Variants in NFATC3 observed in about 807,000 individuals in gnomAD.
The protein encoded by NFATC3 is nuclear factor of activated T cells 3.
In NFATC3, 46 loss-of-function variants were observed where a neutral mutation model predicts 98.6. The ratio of observed to expected loss-of-function variants is 0.47; its 90% CI spans 0.37 to 0.60. The LOEUF (loss-of-function observed/expected upper bound fraction) is 0.60. Ranked by LOEUF, NFATC3 falls within the 20% of genes least tolerant of loss-of-function variation. The pLI is 0.00. For missense variants in NFATC3, 1,256 were observed against 1,295.5 expected (o/e 0.97, Z 0.47); for synonymous variants, 512 against 472.2 (o/e 1.08, Z -1.09).
intron 2 of NFATC3, among the ~76,000 whole-genome samples, 194 bp downstream of exon 2, chr16:68,123,315 A>G (rs949440405): frequency 2.0e-5 from 3 of 152,114 alleles, no homozygotes; most frequent in African/African-American, 7.2e-5. Flanking sequence ...AGATAGGTTA[A>G]ATATAATTTT....
At chr16:68,180,389 G>C (rs2039904603) in intron 6 of NFATC3, among the ~76,000 whole-genome samples, 1 of 152,138 alleles carries the variant, frequency 6.6e-6, no homozygotes, top group African/African-American at 2.4e-5. Flanking sequence ...ATCCAAGATG[G>C]AATGAGTTAC....
chr16:68,138,051 T>C (rs1461240430), intron 3 of NFATC3, among the ~76,000 whole-genome samples: 1 of 152,158 alleles, frequency 6.6e-6, no homozygotes, highest in Admixed American at 6.6e-5. Context: ...TTTTTTTTCT[T>C]TGAGACAGAG....
chr16:68,184,256 G>T (rs1598530168), intron 8 of NFATC3, among the ~76,000 whole-genome samples: 1 of 152,132 alleles, frequency 6.6e-6, no homozygotes, highest in Non-Finnish European at 1.5e-5. Context: ...CAGGTTTTGG[G>T]GACAGATGAG....
chr16:68,098,300 A>ATTATTTTTT (rs1461722980), intron 1 of NFATC3, among the ~76,000 whole-genome samples: 1 of 94,340 alleles, frequency 1.1e-5, no homozygotes, highest in African/African-American at 4.5e-5. Flanking sequence ...TATTATTATT[A>ATTATTTTTT]TTTTTTTTTT....
rs764733303 is a variant in NFATC3 at position 68,226,401 on chromosome 16, C to A, written c.3158C>A (p.Ala1053Glu). Residue 1053 changes from alanine to glutamate, a missense_variant, in exon 10 of 10, where the codon GCA (alanine) becomes GAA (glutamate). By Grantham distance (107) the Ala-to-Glu change is moderately radical. Transcript: ENST00000346183. ...TCCCAGATTTCTGTTTCCCAAGGAGCAGGGGTGAGCAGGCAGGCTCCCCTC... is the reference window on the plus strand; with the variant it reads ...TCCCAGATTTCTGTTTCCCAAGGAGAAGGGGTGAGCAGGCAGGCTCCCCTC... Reference protein sequence around the residue: ...DMSQISVSQGAGVSRQAPLPS... With the variant: ...DMSQISVSQGEGVSRQAPLPS... The A allele has an allele frequency of 2.5e-6, 4 of 1,571,490 alleles. No homozygotes were observed. In the South Asian group the frequency reaches 4.7e-5, roughly 19 times the overall value.
At chr16:68,224,745 C>G (rs937948571) in intron 9 of NFATC3, 1 of 151,736 alleles carries the variant, frequency 6.6e-6, no homozygotes, top group Non-Finnish European at 1.5e-5. Context: ...ATTTTTGTTC[C>G]GAACTGTGTA....
intron 9 of NFATC3, among the ~76,000 whole-genome samples, chr16:68,204,641 TA>T (rs2041065715): frequency 6.6e-6 from 1 of 152,252 alleles, no homozygotes; most frequent in African/African-American, 2.4e-5. Flanking sequence ...CTAAAATAGC[TA>T]TAATTGATTA....
intron 3 of NFATC3, among the ~76,000 whole-genome samples, chr16:68,155,176 G>A (rs2038540601): frequency 6.6e-6 from 1 of 152,204 alleles, no homozygotes; most frequent in South Asian, 2.1e-4. Flanking sequence ...CCACTGTAAA[G>A]CCAAGGCTGG....
chr16:68,203,539 G>A (rs1274848693), intron 9 of NFATC3, among the ~76,000 whole-genome samples: 1 of 152,042 alleles, frequency 6.6e-6, no homozygotes, highest in African/African-American at 2.4e-5. Context: ...AGGCTGAGGT[G>A]GGAGGATCGC....
At chr16:68,102,458 A>G (rs1202648452) in intron 1 of NFATC3, among the ~76,000 whole-genome samples, 2 of 150,354 alleles carry the variant, frequency 1.3e-5, no homozygotes, top group Non-Finnish European at 1.5e-5. Flanking sequence ...TAAGTTAGAT[A>G]TCATTTTCTC....
intron 9 of NFATC3, 118 bp downstream of exon 9, chr16:68,191,893 AGTT>A (rs1360129550): frequency 9.4e-7 from 1 of 1,064,896 alleles, no homozygotes; most frequent in East Asian, 2.4e-5. Flanking sequence ...CTTTTAAATA[AGTT>A]GTTATTAGAA....
chr16:68,173,166 G>T (rs1414044134), intron 5 of NFATC3, among the ~76,000 whole-genome samples: 1 of 152,066 alleles, frequency 6.6e-6, no homozygotes, highest in Non-Finnish European at 1.5e-5. Flanking sequence ...GGAGGCTGAG[G>T]TGGGAGTATT....
At chr16:68,168,054 G>C (rs1019841642) in intron 5 of NFATC3, among the ~76,000 whole-genome samples, 1 of 151,668 alleles carries the variant, frequency 6.6e-6, no homozygotes, top group Non-Finnish European at 1.5e-5. Flanking sequence ...GGCTGCCCTC[G>C]AAATCCTGAC....
chr16:68,115,380 T>A (rs1255561467), intron 1 of NFATC3, among the ~76,000 whole-genome samples: 1 of 152,224 alleles, frequency 6.6e-6, no homozygotes, highest in African/African-American at 2.4e-5. Flanking sequence ...TGACTTTCTT[T>A]ACTTTGCTAG....
intron 9 of NFATC3, among the ~76,000 whole-genome samples, chr16:68,197,755 A>T (rs548682182): frequency 3.3e-5 from 5 of 152,318 alleles, no homozygotes; most frequent in African/African-American, 4.8e-5. Context: ...ATTTAAAAAA[A>T]TTTTTGCTAT....
At position 68,175,785 on chromosome 16, in the gene NFATC3, T is replaced by C. The variant is rs560439570; in HGVS notation, c.1915+1271T>C. The stretch of plus-strand genomic sequence containing the variant: ...ACCTTGGCTAGGCTGGTTCTTAAAC[T>C]CTTGACCTCAAGTGATCTGCCCACC... On this transcript the variant is annotated intron_variant, in intron 6 of 9. Transcript: ENST00000346183. Among the ~76,000 whole-genome samples the C allele has an allele frequency of 5.9e-5, 9 of 152,238 alleles. No individual in the cohort carries two copies. The South Asian group carries it at 1.9e-3, about 32-fold the overall frequency.
intron 1 of NFATC3, among the ~76,000 whole-genome samples, chr16:68,099,224 A>G (rs1337697285): frequency 3.3e-5 from 5 of 152,162 alleles, no homozygotes; most frequent in Admixed American, 3.3e-4. Flanking sequence ...ACCTGAGGTC[A>G]GGAGTTTGAG....
intron 1 of NFATC3, chr16:68,086,931 T>C (rs1250117059): frequency 2.1e-5 from 7 of 341,254 alleles, no homozygotes; most frequent in Non-Finnish European, 2.9e-5. Flanking sequence ...ACCTATTACG[T>C]CGAACCACTC....
At chr16:68,190,573 A>G (rs2040391520) in intron 8 of NFATC3, among the ~76,000 whole-genome samples, 195 bp from the exon 9 acceptor site, 1 of 152,192 alleles carries the variant, frequency 6.6e-6, no homozygotes, top group Admixed American at 6.5e-5. Context: ...TACAGAAGCA[A>G]AACGTGTATG....
Sources: allele counts gnomAD v4.1 joint callset (sites outside exome capture counted in the v4.1 genomes callset), GRCh38; gene constraint gnomAD v4.1.1; transcripts MANE v1.5; gene names NCBI Gene and HGNC (gene_info 2026-07-23, HGNC 2026-07-21).